The following DLGAP2 variants were observed in gnomAD, a reference collection of about 807,000 sequenced individuals.
DLGAP2 encodes disks large-associated protein 2.
Under a neutral mutation model 100.3 loss-of-function variants are expected in DLGAP2, and 26 were observed. That is an observed-to-expected ratio of 0.26 (90% CI 0.19 to 0.36). DLGAP2 has a LOEUF of 0.36. DLGAP2 is among the 10% of genes least tolerant of loss of function. The pLI is 1.00. For synonymous variants in DLGAP2, 886 were observed against 630.1 expected (o/e 1.41, Z -6.08); for missense variants, 1,858 against 1,453.2 (o/e 1.28, Z -4.53).
rs544588371 is a variant in DLGAP2, at chr8:838,402, A to G, written c.19-69510A>G. On this transcript the variant is annotated intron_variant, in intron 1 of 14. Transcript: ENST00000637795. ...GGCATCAGTATTTTATTTTTTTATT[A>G]TATTTTATTTTATTTTAATTTTATT... Among the ~76,000 whole-genome samples the G allele has an allele frequency of 1.7e-3, 261 of 151,686 alleles. 1 individual carries two copies. Among genetic ancestry groups the G allele is most frequent in the Non-Finnish European group, 2.2e-3 (146 of 67,892 alleles).
intron 2 of DLGAP2, among the ~76,000 whole-genome samples, chr8:1,202,536 C>T (rs1428273858): frequency 6.6e-6 from 1 of 152,060 alleles, no homozygotes; most frequent in Non-Finnish European, 1.5e-5. Context: ...GAATGTATTC[C>T]AAGTCCATTT....
intron 3 of DLGAP2, among the ~76,000 whole-genome samples, chr8:1,333,139 C>CGTGAGCACAAGGAGA: frequency 6.6e-6 from 1 of 152,156 alleles, no homozygotes; most frequent in Non-Finnish European, 1.5e-5. Flanking sequence ...CGGCTGCAGG[C>CGTGAGCACAAGGAGA]GTGAGCACAA....
At chr8:1,245,111 C>G (rs1798876547) in intron 2 of DLGAP2, among the ~76,000 whole-genome samples, 2 of 152,206 alleles carry the variant, frequency 1.3e-5, no homozygotes, top group Non-Finnish European at 2.9e-5. Context: ...TGGCAAGATC[C>G]TGGAGAAACT....
chr8:1,218,458 TTTGTTGTTGTTG>T lies in DLGAP2; in HGVS notation c.74-40381_74-40370del, dbSNP rs964968582. On this transcript the variant is annotated intron_variant, in intron 2 of 14. Coordinates refer to ENST00000637795, the MANE Select transcript of DLGAP2 (RefSeq NM_001346810.2). ...GTTCCATTGGTCTATGTGTCTGGGT[TTTGTTGTTGTTG>T]TTGTTGTTGTTTTATTCTGTTTAGT... 2.6e-5 allele frequency among the ~76,000 whole-genome samples: 4 copies of T among 151,782 alleles called. No homozygotes were observed. The East Asian group carries it at 7.7e-4, about 29-fold the overall frequency.
At position 1,267,706 on chromosome 8, in the gene DLGAP2, C is replaced by T. The variant is rs561982121; in HGVS notation, c.106+8823C>T. ...GATGAGACGCCCACGTCCTCCGTGT[C>T]GCTGGCCCCCTCCGTAGCAACTCTG... On this transcript the variant is annotated intron_variant, in intron 3 of 14. Coordinates refer to ENST00000637795, the MANE Select transcript of DLGAP2 (RefSeq NM_001346810.2). 3.8e-3 allele frequency among the ~76,000 whole-genome samples: 577 copies of T among 152,166 alleles called. 3 individuals carry two copies. Among genetic ancestry groups the T allele is most frequent in the Non-Finnish European group, 5.1e-3 (347 of 68,004 alleles).
intron 1 of DLGAP2, among the ~76,000 whole-genome samples, chr8:902,839 A>C (rs1454325730): frequency 3.3e-5 from 1 of 29,904 alleles, no homozygotes; most frequent in Non-Finnish European, 6.1e-5. Flanking sequence ...CGGCGTGGAA[A>C]GTGTTCGGGT....
chr8:1,557,153 C>G (rs1425078308), intron 5 of DLGAP2, among the ~76,000 whole-genome samples: 1 of 152,208 alleles, frequency 6.6e-6, no homozygotes, highest in Non-Finnish European at 1.5e-5. Flanking sequence ...GACAACCAAA[C>G]ATATCTCCAG....
intron 2 of DLGAP2, among the ~76,000 whole-genome samples, chr8:1,056,214 T>A (rs1278482696): frequency 6.6e-6 from 1 of 152,216 alleles, no homozygotes; most frequent in East Asian, 1.9e-4. Context: ...ACGACCTCAG[T>A]TGAGTGTGTT....
chr8:1,039,381 G>T (rs2129029788), intron 2 of DLGAP2, among the ~76,000 whole-genome samples: 1 of 150,868 alleles, frequency 6.6e-6, no homozygotes, highest in African/African-American at 2.4e-5. Context: ...TGCATGGTCA[G>T]CTCGGTTTCC....
intron 6 of DLGAP2, among the ~76,000 whole-genome samples, chr8:1,610,512 A>G (rs1178306294): frequency 3.5e-5 from 5 of 142,978 alleles, no homozygotes; most frequent in African/African-American, 1.4e-4. Context: ...TTCAAAAGCT[A>G]GCAGAAGGCA....
intron 2 of DLGAP2, among the ~76,000 whole-genome samples, chr8:972,910 A>G (rs1205894700): frequency 1.3e-5 from 2 of 152,178 alleles, no homozygotes; most frequent in Non-Finnish European, 2.9e-5. Flanking sequence ...GACACAGCAG[A>G]TGTTTCAGAG....
At chr8:1,104,699 A>G (rs1276029719) in intron 2 of DLGAP2, among the ~76,000 whole-genome samples, 1 of 150,316 alleles carries the variant, frequency 6.7e-6, no homozygotes, top group Non-Finnish European at 1.5e-5. Flanking sequence ...GGTGGGCTGC[A>G]CTGAGGGGTT....
At chr8:1,592,842 A>T (rs758837233) in intron 6 of DLGAP2, among the ~76,000 whole-genome samples, 1 of 152,216 alleles carries the variant, frequency 6.6e-6, no homozygotes, top group Non-Finnish European at 1.5e-5. Flanking sequence ...CCGACTGACC[A>T]GGGTACCGCT....
At chr8:1,384,021 A>G (rs1796155834) in intron 3 of DLGAP2, among the ~76,000 whole-genome samples, 1 of 152,202 alleles carries the variant, frequency 6.6e-6, no homozygotes, top group Non-Finnish European at 1.5e-5. Flanking sequence ...TGTGACCCCA[A>G]CAAGAAAGGG....
In DLGAP2 at chr8:1,676,271, A is replaced by G. The variant is rs898924014; in HGVS notation, c.2203-262A>G. On this transcript the variant is annotated intron_variant, in intron 10 of 14. Transcript: ENST00000637795. The stretch of plus-strand genomic sequence containing the variant: ...ATTTTTTGCCTGAGCTGAACTAAGC[A>G]GTTTTATTTGCATACATTTAGAAGA... Among the ~76,000 whole-genome samples, 5 of 152,198 alleles carry G rather than the reference A, an allele frequency of 3.3e-5. No individual in the cohort carries two copies. In the East Asian group the frequency reaches 5.8e-4, roughly 18 times the overall value.
chr8:1,567,845 C>G (rs771483307), intron 6 of DLGAP2, among the ~76,000 whole-genome samples: 2 of 152,210 alleles, frequency 1.3e-5, no homozygotes, highest in Non-Finnish European at 1.5e-5. Context: ...CCCTTCCCTG[C>G]CCAAGTGGGA....
intron 2 of DLGAP2, among the ~76,000 whole-genome samples, chr8:1,201,163 C>G (rs1195116665): frequency 1.3e-5 from 2 of 152,214 alleles, no homozygotes; most frequent in Non-Finnish European, 2.9e-5. Flanking sequence ...CCTGTGGAGG[C>G]TGAAGCCGCT....
chr8:764,301 C>T (rs1821155611), intron 1 of DLGAP2, among the ~76,000 whole-genome samples: 1 of 152,184 alleles, frequency 6.6e-6, no homozygotes, highest in South Asian at 2.1e-4. Flanking sequence ...AAGTTTCCAT[C>T]TAGAGAAATT....
intron 2 of DLGAP2, among the ~76,000 whole-genome samples, chr8:1,099,410 C>T (rs1205510082): frequency 6.6e-6 from 1 of 152,210 alleles, no homozygotes; most frequent in Non-Finnish European, 1.5e-5. Flanking sequence ...TTTCATTCAA[C>T]AAATTACCGA....
Sources: gnomAD v4.1 joint callset for allele counts (sites outside exome capture counted in the v4.1 genomes callset) on GRCh38, gnomAD v4.1.1 for gene constraint, MANE v1.5 for transcripts, NCBI Gene and HGNC (gene_info 2026-07-23, HGNC 2026-07-21) for gene names.